KLHL32: variants seen among roughly 807,000 people sequenced by gnomAD.
KLHL32 encodes the protein kelch like family member 32.
KLHL32 carries 35 observed loss-of-function variants against 64.8 expected under a neutral mutation model. The ratio of observed to expected loss-of-function variants is 0.54; its 90% CI spans 0.41 to 0.72. The LOEUF (loss-of-function observed/expected upper bound fraction) is 0.72. Ranked by LOEUF, KLHL32 falls within the 30% of genes least tolerant of loss-of-function variation. The pLI, the probability that KLHL32 is intolerant of heterozygous loss-of-function variation, is 0.00. For synonymous variants in KLHL32, 259 were observed against 281.0 expected, an observed-to-expected ratio of 0.92 and a Z score of 0.78; for missense variants, 589 against 768.5, an observed-to-expected ratio of 0.77 and a Z score of 2.76.
At chr6:97,050,299 A>T (rs1017467335) in intron 4 of KLHL32, among the ~76,000 whole-genome samples, 5 of 152,164 alleles carry the variant, frequency 3.3e-5, no homozygotes, top group African/African-American at 2.4e-5. Flanking sequence ...TCTGATTTGG[A>T]TGTTGAGACT....
intron 3 of KLHL32, among the ~76,000 whole-genome samples, chr6:96,984,545 T>A (rs1437687215): frequency 7.9e-5 from 12 of 152,218 alleles, no homozygotes; most frequent in Admixed American, 7.9e-4. Flanking sequence ...ACTTGCTTTA[T>A]GAATCTGGGT....
Position 97,114,407 on chromosome 6 carries a change from C to T in KLHL32, c.1252C>T (p.Arg418Ter), listed in dbSNP as rs989995139. The T allele has an allele frequency of 4.3e-6, 7 of 1,614,054 alleles. No homozygotes were observed. Among genetic ancestry groups the T allele is most frequent in the Non-Finnish European group, 5.9e-6 (7 of 1,180,052 alleles). ...GCGCCAGGTTCTGCCTACAGTTGAG[C>T]GATATTGCCCCAAGAAGAACAAATG... ...ELRQVLPTVE[R>*]YCPKKNKWTF... Residue 418 changes from arginine to a stop codon, truncating the protein, a stop_gained, in exon 7 of 11, where the codon CGA becomes TGA. Coordinates refer to ENST00000369261, the MANE Select transcript of KLHL32 (RefSeq NM_052904.4). LOFTEE classifies it high-confidence loss of function.
intron 3 of KLHL32, among the ~76,000 whole-genome samples, chr6:97,015,863 G>T (rs560554146): frequency 9.2e-5 from 14 of 152,240 alleles, no homozygotes; most frequent in Admixed American, 2.0e-4. Flanking sequence ...GCAGCCTTGG[G>T]ACTTGGTCCC....
the KLHL32 span, among the ~76,000 whole-genome samples, chr6:96,913,712 T>C: frequency 6.6e-6 from 1 of 152,178 alleles, no homozygotes; most frequent in Non-Finnish European, 1.5e-5. Context: ...AAGAAAGTAA[T>C]GATTCTGAGA....
At chr6:96,995,804 T>C (rs981971313) in intron 3 of KLHL32, among the ~76,000 whole-genome samples, 1 of 152,242 alleles carries the variant, frequency 6.6e-6, no homozygotes, top group Non-Finnish European at 1.5e-5. Context: ...TAAGTTCATA[T>C]GTAAGGTTCC....
chr6:96,944,095 G>T (rs1339516517), intron 1 of KLHL32, among the ~76,000 whole-genome samples: 2 of 152,060 alleles, frequency 1.3e-5, no homozygotes, highest in African/African-American at 4.8e-5. Flanking sequence ...TGTCCTCCAG[G>T]CTGTTGCTCA....
chr6:97,109,601 C>G (rs946412199), intron 6 of KLHL32, among the ~76,000 whole-genome samples: 1 of 152,088 alleles, frequency 6.6e-6, no homozygotes, highest in Non-Finnish European at 1.5e-5. Flanking sequence ...GCTTCTCACG[C>G]AGTTAGTAAC....
chr6:97,114,929 AT>A (rs1181982965), intron 7 of KLHL32, among the ~76,000 whole-genome samples: 9 of 152,286 alleles, frequency 5.9e-5, no homozygotes, highest in African/African-American at 2.2e-4. Context: ...CAGTTAATCC[AT>A]TTTTCTGGGT....
intron 2 of KLHL32, among the ~76,000 whole-genome samples, chr6:96,971,610 T>TTAG: frequency 6.6e-6 from 1 of 152,132 alleles, no homozygotes; most frequent in Non-Finnish European, 1.5e-5. Flanking sequence ...CATCTTACTG[T>TTAG]TCAGGGAGTC....
chr6:97,113,847 T>C lies in KLHL32; in HGVS notation c.692T>C (p.Ile231Thr), dbSNP rs754940134. ...YQYMDELLQYIRFGLMDVDTL... is the reference protein window; with the variant it reads ...YQYMDELLQYTRFGLMDVDTL... ...TACATGGACGAGCTCCTGCAATACA[T>C]CCGCTTTGGCCTAATGGATGTGGAT... Residue 231 changes from isoleucine (I) to threonine (T), a missense_variant, in exon 7 of 11, where the codon ATC (isoleucine) becomes ACC (threonine). Ile to Thr is a moderately conservative substitution (Grantham distance 89). Around this residue, in one of 3 missense-constraint regions of KLHL32, gnomAD observed 226 missense variants for 353.2 expected, o/e 0.64. Transcript: ENST00000369261. The C allele has an allele frequency of 6.2e-7, 1 of 1,614,070 alleles. No homozygotes were observed. The highest frequency in any genetic ancestry group is 2.2e-5 in the East Asian group (1 of 44,860).
chr6:96,976,300 T>C lies in KLHL32; in HGVS notation c.204+123T>C, dbSNP rs34338030. 2,066 of 887,950 alleles carry C rather than the reference T, an allele frequency of 2.3e-3. 5 individuals are homozygous for C. Among genetic ancestry groups the C allele is most frequent in the Middle Eastern group, 6.6e-3 (18 of 2,720 alleles). 55.0% of individuals were successfully genotyped at this position (887,950 alleles called of 1,614,324 possible). Reference sequence around the variant, plus strand: ...CCCCAGAGCTGAATGGTGGGGGCCTTTGTTCTTTCCTGGGTAGAATGCTTC... The same window carrying C: ...CCCCAGAGCTGAATGGTGGGGGCCTCTGTTCTTTCCTGGGTAGAATGCTTC... On this transcript the variant is annotated intron_variant, in intron 3 of 10. Transcript: ENST00000369261.
chr6:97,084,261 A>C (rs1288196174), intron 5 of KLHL32, among the ~76,000 whole-genome samples: 1 of 152,124 alleles, frequency 6.6e-6, no homozygotes, highest in Non-Finnish European at 1.5e-5. Context: ...GAAATAGCCC[A>C]CTCTCATTCT....
intron 2 of KLHL32, among the ~76,000 whole-genome samples, chr6:96,973,593 C>T (rs1160898814): frequency 6.6e-6 from 1 of 152,042 alleles, no homozygotes; most frequent in Non-Finnish European, 1.5e-5. Context: ...TTTCTTACTG[C>T]TGTGTCATGT....
At chr6:97,013,000 G>T (rs1328822318) in intron 3 of KLHL32, among the ~76,000 whole-genome samples, 4 of 152,096 alleles carry the variant, frequency 2.6e-5, no homozygotes, top group Admixed American at 6.6e-5. Flanking sequence ...AGATCTCTGT[G>T]CCTCTAAATG....
At chr6:96,966,414 G>C (rs542745770) in intron 1 of KLHL32, among the ~76,000 whole-genome samples, 20 of 152,288 alleles carry the variant, frequency 1.3e-4, no homozygotes, top group African/African-American at 4.6e-4. Flanking sequence ...ACTGCATCCT[G>C]TTATATATTT....
chr6:97,139,090 T>C (rs1158316913), intron 10 of KLHL32, 31 bp from the exon 11 acceptor site: 5 of 1,588,354 alleles, frequency 3.1e-6, no homozygotes, highest in Non-Finnish European at 4.3e-6. Context: ...TCATCTTTGA[T>C]ACACAAGCTT....
chr6:96,995,334 C>T (rs150872296), intron 3 of KLHL32, among the ~76,000 whole-genome samples: 2 of 152,292 alleles, frequency 1.3e-5, no homozygotes, highest in East Asian at 3.9e-4. Context: ...TTTTTAATTT[C>T]ATCCTTTCCC....
At position 97,124,173 on chromosome 6, in the gene KLHL32, G is replaced by C. The variant is rs567085302; in HGVS notation, c.1355-3231G>C. On this transcript the variant is annotated intron_variant, in intron 7 of 10. Transcript: ENST00000369261. ...TAAATTATTTCAAAGGGGAAGGCAAGAGAACCAGTTTCCAAGGTTTTTCTT... is the reference window on the plus strand; with the variant it reads ...TAAATTATTTCAAAGGGGAAGGCAACAGAACCAGTTTCCAAGGTTTTTCTT... Among the ~76,000 whole-genome samples, 51 of 152,314 alleles carry C rather than the reference G, an allele frequency of 3.3e-4. No homozygotes were observed. In the South Asian group the frequency reaches 7.7e-3, roughly 23 times the overall value.
chr6:96,936,889 G>C (rs72924759), intron 1 of KLHL32, among the ~76,000 whole-genome samples: 20,130 of 151,928 alleles, frequency 0.13, 1,581 homozygotes, highest in East Asian at 0.26. Flanking sequence ...CTGCCTACCC[G>C]CAGGCCCACT....
Sources: allele counts gnomAD v4.1 joint callset (sites outside exome capture counted in the v4.1 genomes callset), GRCh38; gene constraint gnomAD v4.1.1; regional missense constraint gnomAD v4.1.1; transcripts MANE v1.5; gene names NCBI Gene and HGNC (gene_info 2026-07-23, HGNC 2026-07-21).